The following CHDH variants were observed in gnomAD, a reference collection of about 807,000 sequenced individuals.
The protein encoded by CHDH is choline dehydrogenase, mitochondrial.
In CHDH, 43 loss-of-function variants were observed where a neutral mutation model predicts 56.9. That is an observed-to-expected ratio of 0.76 (90% CI 0.59 to 0.97). The LOEUF (loss-of-function observed/expected upper bound fraction) is 0.97. Among genes scored for constraint, CHDH ranks in the 50% least tolerant of loss-of-function variants. CHDH has a pLI of 0.00. For synonymous variants in CHDH, 364 were observed against 348.5 expected, an observed-to-expected ratio of 1.04 and a Z score of -0.50; for missense variants, 816 against 821.1, an observed-to-expected ratio of 0.99 and a Z score of 0.08.
chr3:53,814,888 G>A lies in CHDH; in HGVS notation c.*2889C>T, dbSNP rs1366226743. The A allele has an allele frequency of 2.0e-5, 3 of 152,142 alleles. No individual in the cohort carries two copies. Among genetic ancestry groups the A allele is most frequent in the Admixed American group, 6.6e-5 (1 of 15,266 alleles). The allele number at this position is 152,142 out of a possible 1,614,324, so 9.4% of individuals were successfully genotyped here. A position where few individuals can be genotyped will look rare whatever the true frequency, so the allele number is the denominator to read the frequency against. ...TTGGCCAGGCTGGTCTCAAACTCCT[G>A]GCCTCAAGTGATCCACCCACCTCAG... On this transcript the variant is annotated 3_prime_UTR_variant, in exon 9 of 9. Transcript: ENST00000315251.
At chr3:53,826,072 C>T (rs2095638515) in intron 2 of CHDH, among the ~76,000 whole-genome samples, 1 of 151,920 alleles carries the variant, frequency 6.6e-6, no homozygotes, top group African/African-American at 2.4e-5. Flanking sequence ...AAAACTCACA[C>T]AAGCAGAAAG....
At chr3:53,840,608 G>A (rs944744113) in intron 2 of CHDH, among the ~76,000 whole-genome samples, 14 of 152,186 alleles carry the variant, frequency 9.2e-5, no homozygotes, top group Middle Eastern at 3.4e-3. Flanking sequence ...CCCACGAGGT[G>A]AGGCTAACAA....
intron 6 of CHDH, among the ~76,000 whole-genome samples, 163 bp downstream of exon 6, chr3:53,820,311 G>A (rs563117458): frequency 8.9e-4 from 135 of 152,204 alleles, no homozygotes; most frequent in African/African-American, 3.2e-3. Context: ...GGTTGAAACT[G>A]TGCATCCCCA....
chr3:53,819,683 CAGAAG>C lies in CHDH; in HGVS notation c.1121-14_1121-10del, dbSNP rs759269606. 6.3e-7 allele frequency: 1 copy of C among 1,588,558 alleles called. No homozygotes were observed. Among genetic ancestry groups the C allele is most frequent in the Admixed American group, 1.8e-5 (1 of 57,106 alleles). Reference sequence around the variant, plus strand: ...GGCAGTGGCTCCCTCCCCTGAGAAGCAGAAGAGGATGAGGCAGAAGAGCCAGTCAG... The same window carrying C: ...GGCAGTGGCTCCCTCCCCTGAGAAGCAGGATGAGGCAGAAGAGCCAGTCAG... On this transcript the variant is annotated splice_polypyrimidine_tract_variant and intron_variant, in intron 6 of 8. Transcript: ENST00000315251. This position sits in a 1 kb window ranked among gnomAD's most constrained non-coding sequence, Gnocchi z 5.4.
intron 2 of CHDH, among the ~76,000 whole-genome samples, chr3:53,831,345 A>G (rs1263598542): frequency 1.3e-5 from 2 of 152,218 alleles, no homozygotes; most frequent in Non-Finnish European, 1.5e-5. Flanking sequence ...TGCCGCCCCA[A>G]AGGGAAGGCC....
At position 53,826,435 on chromosome 3, in the gene CHDH, G is replaced by A. The variant is rs150356565; in HGVS notation, c.-59-2368C>T. Among the ~76,000 whole-genome samples the A allele has an allele frequency of 3.4e-4, 52 of 152,218 alleles. No homozygotes were observed. The East Asian group carries it at 7.3e-3, about 21-fold the overall frequency. ...AAAGAATTATATACCACAACCAAGTGGGCTTTATCTCAAGTATGCAAGACT... is the reference window on the plus strand; with the variant it reads ...AAAGAATTATATACCACAACCAAGTAGGCTTTATCTCAAGTATGCAAGACT... On this transcript the variant is annotated intron_variant, in intron 2 of 8. Transcript: ENST00000315251.
At chr3:53,834,067 G>A (rs1238482424) in intron 2 of CHDH, among the ~76,000 whole-genome samples, 1 of 152,190 alleles carries the variant, frequency 6.6e-6, no homozygotes, top group Non-Finnish European at 1.5e-5. Flanking sequence ...GGGCCACCAC[G>A]TCCTACTGGT....
At chr3:53,823,132 G>A (rs901171882) in intron 3 of CHDH, among the ~76,000 whole-genome samples, 174 bp downstream of exon 3, 9 of 152,154 alleles carry the variant, frequency 5.9e-5, no homozygotes, top group African/African-American at 2.2e-4. Context: ...TCAGGGCTCC[G>A]GGTTGTACTC....
At chr3:53,823,223 A>AGGAGCCT (rs1224486967) in intron 3 of CHDH, 83 bp downstream of exon 3, 1 of 1,293,558 alleles carries the variant, frequency 7.7e-7, no homozygotes, top group East Asian at 2.6e-5. Flanking sequence ...TGCTGGAGCC[A>AGGAGCCT]GGAGCCTGGA....
intron 1 of CHDH, among the ~76,000 whole-genome samples, chr3:53,842,534 T>A (rs1331837169): frequency 6.6e-6 from 1 of 152,076 alleles, no homozygotes; most frequent in African/African-American, 2.4e-5. Context: ...ATAACAACAA[T>A]GTAAAAATCA....
rs2095621605 is a variant in CHDH at position 53,819,300 on chromosome 3, G to C, written c.1263+232C>G. On this transcript the variant is annotated intron_variant, in intron 7 of 8. Transcript: ENST00000315251. The surrounding 1 kb of genome is among the most constrained non-coding windows in gnomAD (Gnocchi z 5.4). Reference sequence around the variant, plus strand: ...ATCCCAGAGCCAAGTCAGCCCCTCTGTTTGTCCCATTTCTGGTGCTCGGTA... The same window carrying C: ...ATCCCAGAGCCAAGTCAGCCCCTCTCTTTGTCCCATTTCTGGTGCTCGGTA... Among the ~76,000 whole-genome samples, 1 of 152,168 alleles carries C rather than the reference G, an allele frequency of 6.6e-6. No homozygotes were observed. The highest frequency in any genetic ancestry group is 6.5e-5 in the Admixed American group (1 of 15,286).
Position 53,818,893 on chromosome 3 carries a change from G to A in CHDH, c.1366+45C>T, listed in dbSNP as rs138363055. Reference sequence around the variant, plus strand: ...AGGGATAAACAGGAACCCCACAAAGGCATTCGTTTGTTCAAGCCCAGGAAG... The same window carrying A: ...AGGGATAAACAGGAACCCCACAAAGACATTCGTTTGTTCAAGCCCAGGAAG... On this transcript the variant is annotated intron_variant, in intron 8 of 8. Transcript: ENST00000315251. 3,729 of 1,162,742 alleles carry A rather than the reference G, an allele frequency of 3.2e-3. 7 individuals are homozygous for A. The highest frequency in any genetic ancestry group is 4.3e-3 in the Non-Finnish European group (3,333 of 767,226). 72.0% of individuals were successfully genotyped at this position (1,162,742 alleles called of 1,614,324 possible). A position where few individuals can be genotyped will look rare whatever the true frequency, so the allele number is the denominator to read the frequency against.
Position 53,817,517 on chromosome 3 carries a change from A to T in CHDH, c.*260T>A. 2.0e-6 allele frequency: 1 copy of T among 498,452 alleles called. No individual in the cohort carries two copies. 30.9% of individuals were successfully genotyped at this position (498,452 alleles called of 1,614,324 possible). Reference sequence around the variant, plus strand: ...CATCCTCCCCTTCTGTCCCTCCAGGAGGCAGGGAGGAACATCTCAGGCTGA... The same window carrying T: ...CATCCTCCCCTTCTGTCCCTCCAGGTGGCAGGGAGGAACATCTCAGGCTGA... On this transcript the variant is annotated 3_prime_UTR_variant, in exon 9 of 9. Coordinates refer to ENST00000315251, the MANE Select transcript of CHDH (RefSeq NM_018397.5).
At chr3:53,821,029 G>A (rs1342929350) in intron 5 of CHDH, among the ~76,000 whole-genome samples, 3 of 152,200 alleles carry the variant, frequency 2.0e-5, no homozygotes, top group African/African-American at 7.2e-5. Flanking sequence ...GTGCTACACC[G>A]TCCTTGCATG....
At chr3:53,824,730 T>G (rs1255829944) in intron 2 of CHDH, among the ~76,000 whole-genome samples, 2 of 152,184 alleles carry the variant, frequency 1.3e-5, no homozygotes, top group African/African-American at 4.8e-5. Flanking sequence ...TGGCAATAGC[T>G]TTGAAAGGGC....
At position 53,818,166 on chromosome 3, in the gene CHDH, C is replaced by T. The variant is rs1337225555; in HGVS notation, c.1396G>A (p.Val466Met). The T allele has an allele frequency of 1.9e-6, 3 of 1,611,242 alleles. No homozygotes were observed. The highest frequency in any genetic ancestry group is 2.5e-6 in the Non-Finnish European group (3 of 1,178,972). ...GCAAAAATTTCTCTGGTGAGCTTCACACACAGACGGAAATCCTCAATATCA... is the reference window on the plus strand; with the variant it reads ...GCAAAAATTTCTCTGGTGAGCTTCATACACAGACGGAAATCCTCAATATCA... ...ETDIEDFRLC[V>M]KLTREIFAQE... is the part of the protein sequence containing the mutation. Residue 466 changes from valine (V) to methionine (M), a missense_variant, in exon 9 of 9, where the codon GTG becomes ATG. Val to Met is a conservative substitution (Grantham distance 21). Coordinates refer to ENST00000315251, the MANE Select transcript of CHDH (RefSeq NM_018397.5).
chr3:53,818,899 G>A (rs772647724), intron 8 of CHDH, 39 bp downstream of exon 8: 104 of 1,281,922 alleles, frequency 8.1e-5, no homozygotes, highest in South Asian at 2.4e-4. Flanking sequence ...AAAGGCATTC[G>A]TTTGTTCAAG....
chr3:53,813,662 A>G lies in CHDH; in HGVS notation c.*4115T>C, dbSNP rs1201370922. The G allele has an allele frequency of 1.3e-5, 2 of 152,268 alleles. No individual in the cohort carries two copies. The highest frequency in any genetic ancestry group is 1.9e-4 in the East Asian group (1 of 5,178). The allele number at this position is 152,268 out of a possible 1,614,324, so 9.4% of individuals were successfully genotyped here. A position where few individuals can be genotyped will look rare whatever the true frequency, so the allele number is the denominator to read the frequency against. The stretch of plus-strand genomic sequence containing the variant: ...AACTGGCATTCTTACAGGCTGCACC[A>G]TTTCCTAGTATGTCTGCTTTAAGCC... On this transcript the variant is annotated 3_prime_UTR_variant, in exon 9 of 9. Transcript: ENST00000315251.
chr3:53,845,352 G>C (rs566861853), intron 1 of CHDH, among the ~76,000 whole-genome samples: 2 of 152,318 alleles, frequency 1.3e-5, no homozygotes, highest in African/African-American at 4.8e-5. Context: ...ACTTAGTACA[G>C]CCTCTCACCA....
Sources: gnomAD v4.1 joint callset for allele counts (sites outside exome capture counted in the v4.1 genomes callset) on GRCh38, gnomAD v4.1.1 for gene constraint, Gnocchi (gnomAD v3.1) non-coding constraint, MANE v1.5 for transcripts, NCBI Gene and HGNC (gene_info 2026-07-23, HGNC 2026-07-21) for gene names.